The following AKAP12 variants were observed in gnomAD, a reference collection of about 807,000 sequenced individuals.
The protein encoded by AKAP12 is A-kinase anchor protein 12.
A neutral mutation model predicts 79.9 loss-of-function variants in AKAP12; 32 were observed. The ratio of observed to expected loss-of-function variants is 0.40; its 90% CI spans 0.30 to 0.54. The LOEUF (loss-of-function observed/expected upper bound fraction) is 0.54, where lower values mean the gene tolerates loss of function less well. AKAP12 is among the 20% of genes least tolerant of loss of function. The probability of loss-of-function intolerance (pLI) is 0.48; values close to 1 mark genes in which losing one functional copy is unlikely to be tolerated. For synonymous variants in AKAP12, 808 were observed against 857.0 expected (o/e 0.94, Z 1.00); for missense variants, 2,074 against 2,177.0 (o/e 0.95, Z 0.94).
chr6:151,297,867 T>C (rs1485738193), intron 2 of AKAP12, among the ~76,000 whole-genome samples: 1 of 152,150 alleles, frequency 6.6e-6, no homozygotes, highest in African/African-American at 2.4e-5. Context: ...TAGTGTGAGA[T>C]AAGGGGTGGA....
At position 151,348,890 on chromosome 6, in the gene AKAP12, G is replaced by C. The variant is rs146265714; in HGVS notation, c.499G>C (p.Ala167Pro). ...GCTAACACAACCCACTGAGTCCCAG[G>C]CTAATGATATTGGATTTAAGAAGGT... ...EELTQPTESQ[A>P]NDIGFKKVFK... is the part of the protein sequence containing the mutation. Residue 167 changes from alanine (A) to proline (P), a missense_variant, in exon 4 of 5, where the codon GCT becomes CCT. Ala to Pro is a conservative substitution (Grantham distance 27, BLOSUM62 -1). Transcript: ENST00000402676. The C allele has an allele frequency of 4.8e-5, 78 of 1,614,080 alleles. No homozygotes were observed. In the African/African-American group the frequency reaches 9.3e-4, roughly 19 times the overall value.
At chr6:151,260,781 G>A (rs1466475221) in intron 2 of AKAP12, among the ~76,000 whole-genome samples, 3 of 152,012 alleles carry the variant, frequency 2.0e-5, no homozygotes, top group Non-Finnish European at 4.4e-5. Flanking sequence ...ATCACCTGAG[G>A]TCAGGAGTTC....
chr6:151,247,137 TCA>T (rs919934412), intron 2 of AKAP12, among the ~76,000 whole-genome samples: 5 of 150,716 alleles, frequency 3.3e-5, no homozygotes, highest in African/African-American at 1.2e-4. Context: ...GTGTGGGGGC[TCA>T]CACCTGTAAT....
chr6:151,335,213 T>TA (rs1360415185), intron 3 of AKAP12, among the ~76,000 whole-genome samples: 1 of 152,216 alleles, frequency 6.6e-6, no homozygotes, highest in Non-Finnish European at 1.5e-5. Context: ...ATGTTGTACT[T>TA]ATGAAAAATT....
chr6:151,259,179 G>T (rs1247359384), intron 2 of AKAP12, among the ~76,000 whole-genome samples: 1 of 150,972 alleles, frequency 6.6e-6, no homozygotes, highest in African/African-American at 2.4e-5. Context: ...CAAGTAGCTG[G>T]GATTACAGGC....
intron 2 of AKAP12, among the ~76,000 whole-genome samples, chr6:151,266,049 CTCTG>C (rs1430020968): frequency 6.6e-6 from 1 of 152,206 alleles, no homozygotes; most frequent in East Asian, 1.9e-4. Context: ...CATTCAGCAG[CTCTG>C]TCTAAATGTG....
Position 151,349,998 on chromosome 6 carries a change from AAAG to A in AKAP12, c.1609_1611del (p.Arg537del). ...CTTTCTGGAAAGAAACAGAAAGGGAAAAGAGGAGGAGGAGACGAGGAATCAGGG... is the reference window on the plus strand; with the variant it reads ...CTTTCTGGAAAGAAACAGAAAGGGAAAGGAGGAGGAGACGAGGAATCAGGG... On this transcript the variant is annotated inframe_deletion, in exon 4 of 5. Coordinates refer to ENST00000402676, the MANE Select transcript of AKAP12 (RefSeq NM_005100.4). The A allele has an allele frequency of 6.2e-7, 1 of 1,614,104 alleles. No individual in the cohort carries two copies. Among genetic ancestry groups the A allele is most frequent in the East Asian group, 2.2e-5 (1 of 44,866 alleles).
intron 4 of AKAP12, among the ~76,000 whole-genome samples, chr6:151,354,594 G>T (rs938160659): frequency 1.3e-5 from 2 of 151,650 alleles, no homozygotes; most frequent in East Asian, 1.9e-4. Flanking sequence ...AGGAGGTCTC[G>T]ATCTCCTGAC....
In AKAP12 at chr6:151,345,932, T is replaced by TGTGTGA. The variant is rs1349850485; in HGVS notation, c.320-2778_320-2777insTGTGAG. Among the ~76,000 whole-genome samples, 134 of 101,372 alleles carry TGTGTGA rather than the reference T, an allele frequency of 1.3e-3. 2 individuals carry two copies. Among genetic ancestry groups the TGTGTGA allele is most frequent in the African/African-American group, 3.1e-3 (71 of 22,916 alleles). The allele number at this position is 101,372 out of a possible 152,430, so 66.5% of individuals were successfully genotyped here. On this transcript the variant is annotated intron_variant, in intron 3 of 4. Transcript: ENST00000402676. Reference sequence around the variant, plus strand: ...GTGTGTGTGTGTGTGTGTGTGTGTGTGAGAGAGAGAGAGAGAGAGAGAGAG... The same window carrying TGTGTGA: ...GTGTGTGTGTGTGTGTGTGTGTGTGTGTGTGAGAGAGAGAGAGAGAGAGAGAGAGAG...
chr6:151,302,051 CTG>C (rs148215415), intron 2 of AKAP12, among the ~76,000 whole-genome samples: 5,729 of 148,834 alleles, frequency 0.038, 372 homozygotes, highest in African/African-American at 0.13. Context: ...GAGTCTCCCT[CTG>C]TTGCCCAGGC....
Position 151,352,606 on chromosome 6 carries a change from A to G in AKAP12, c.4215A>G (p.Ala1405=). ...CTCCCTGCCTAGGTCAAGAGGAGGC[A>G]GTATGCACCAAAATTCAAGTTCAGA... The part of the protein sequence containing the change: ...SPPPCLGQEE[A]VCTKIQVQSS... The change falls in exon 4 of 5, where the codon GCA becomes GCG. Residue 1405 remains alanine, a synonymous_variant. Transcript: ENST00000402676. 6.2e-7 allele frequency: 1 copy of G among 1,614,208 alleles called. No individual in the cohort carries two copies. Among genetic ancestry groups the G allele is most frequent in the South Asian group, 1.1e-5 (1 of 91,082 alleles).
intron 2 of AKAP12, among the ~76,000 whole-genome samples, chr6:151,242,261 A>G (rs1796993396): frequency 1.3e-5 from 2 of 152,142 alleles, no homozygotes; most frequent in Admixed American, 1.3e-4. Context: ...AGATCTTACT[A>G]ACTGTTCACC....
At chr6:151,306,466 A>G (rs2114757557) in intron 3 of AKAP12, among the ~76,000 whole-genome samples, 1 of 152,322 alleles carries the variant, frequency 6.6e-6, no homozygotes, top group East Asian at 1.9e-4. Flanking sequence ...TGGCCCAGTA[A>G]GTCTCTTGTG....
At chr6:151,259,702 G>A (rs1467591579) in intron 2 of AKAP12, among the ~76,000 whole-genome samples, 1 of 149,752 alleles carries the variant, frequency 6.7e-6, no homozygotes, top group Non-Finnish European at 1.5e-5. Flanking sequence ...CCTCATCCTC[G>A]AGTTCCTGGG....
chr6:151,268,853 A>T (rs1231723560), intron 2 of AKAP12, among the ~76,000 whole-genome samples: 1 of 150,108 alleles, frequency 6.7e-6, no homozygotes, highest in East Asian at 2.0e-4. Flanking sequence ...CATGATGGCC[A>T]GGCTGATCTG....
At chr6:151,321,375 T>C (rs1021962534) in intron 3 of AKAP12, among the ~76,000 whole-genome samples, 3 of 152,200 alleles carry the variant, frequency 2.0e-5, no homozygotes, top group Non-Finnish European at 4.4e-5. Flanking sequence ...AGGTAACCAC[T>C]AACTACTTTA....
chr6:151,325,105 C>G, intron 3 of AKAP12: 2 of 985,416 alleles, frequency 2.0e-6, no homozygotes, highest in Middle Eastern at 5.2e-4. Context: ...TCTGAGAGCC[C>G]TTCTCAAAGA....
chr6:151,351,608 G>A lies in AKAP12; in HGVS notation c.3217G>A (p.Glu1073Lys). Residue 1073 changes from glutamate (E) to lysine (K), a missense_variant, in exon 4 of 5, where the codon GAG (glutamate) becomes AAG (lysine). By Grantham distance (56) the Glu-to-Lys change is moderately conservative. Around this residue, in one of 3 missense-constraint regions of AKAP12, gnomAD observed 1,428 missense variants for 1,451.0 expected, o/e 0.98. Transcript: ENST00000402676. This position sits in a 1 kb window ranked among gnomAD's most constrained non-coding sequence, Gnocchi z 4.4. ...TGTGCTTCAGCCTGTGCAGAGAGCAGAGGCAGAAAGACCAGAAGAGCAGGC... is the reference window on the plus strand; with the variant it reads ...TGTGCTTCAGCCTGTGCAGAGAGCAAAGGCAGAAAGACCAGAAGAGCAGGC... ...EDVLQPVQRA[E>K]AERPEEQAEA... 2 of 1,614,156 alleles carry A rather than the reference G, an allele frequency of 1.2e-6. No individual in the cohort carries two copies. The highest frequency in any genetic ancestry group is 1.7e-6 in the Non-Finnish European group (2 of 1,180,042).
At chr6:151,263,458 ACT>A (rs1797477854) in intron 2 of AKAP12, among the ~76,000 whole-genome samples, 2 of 152,092 alleles carry the variant, frequency 1.3e-5, no homozygotes, top group Non-Finnish European at 1.5e-5. Flanking sequence ...TCTTCCTCTA[ACT>A]CTGTATCCAT....
Sources: gnomAD v4.1 joint callset for allele counts (sites outside exome capture counted in the v4.1 genomes callset) on GRCh38, gnomAD v4.1.1 for gene constraint, gnomAD v4.1.1 regional missense constraint, Gnocchi (gnomAD v3.1) non-coding constraint, MANE v1.5 for transcripts, NCBI Gene and HGNC (gene_info 2026-07-23, HGNC 2026-07-21) for gene names.